SLC4A4: variants seen among roughly 807,000 people sequenced by gnomAD.
SLC4A4 encodes the protein solute carrier family 4 member 4, also known as electrogenic sodium bicarbonate cotransporter 1.
A neutral mutation model predicts 111.5 loss-of-function variants in SLC4A4; 27 were observed. The ratio of observed to expected loss-of-function variants is 0.24; its 90% CI spans 0.18 to 0.33. The LOEUF is 0.33. Ranked by LOEUF, SLC4A4 falls within the 10% of genes least tolerant of loss-of-function variation. The probability of loss-of-function intolerance (pLI) is 1.00; values close to 1 mark genes in which losing one functional copy is unlikely to be tolerated. For missense variants in SLC4A4, 909 were observed against 1,315.5 expected, an observed-to-expected ratio of 0.69 and a Z score of 4.78; for synonymous variants, 443 against 463.4, an observed-to-expected ratio of 0.96 and a Z score of 0.57.
chr4:71,263,441 G>A (rs1436607310), intron 3 of SLC4A4, among the ~76,000 whole-genome samples: 1 of 152,130 alleles, frequency 6.6e-6, no homozygotes, highest in Non-Finnish European at 1.5e-5. Context: ...AGGCAATATT[G>A]CATGCTTCTT....
intron 7 of SLC4A4, among the ~76,000 whole-genome samples, chr4:71,409,224 C>T (rs1401469295): frequency 2.0e-5 from 3 of 152,114 alleles, no homozygotes; most frequent in Non-Finnish European, 4.4e-5. Context: ...AATGTGGAAG[C>T]AACTTTGGAA....
chr4:71,448,319 CAAAA>C (rs5859260), intron 9 of SLC4A4, among the ~76,000 whole-genome samples: 2 of 89,628 alleles, frequency 2.2e-5, no homozygotes, highest in Non-Finnish European at 2.4e-5. Flanking sequence ...GATTCCATCT[CAAAA>C]AAAAAAAAAA....
chr4:71,544,779 G>T (rs1289568372), intron 18 of SLC4A4, among the ~76,000 whole-genome samples: 4 of 151,938 alleles, frequency 2.6e-5, no homozygotes, highest in Admixed American at 2.6e-4. Flanking sequence ...GTTCTCCGTA[G>T]TACTTATTAC....
At chr4:71,160,680 TA>T (rs11331906) in intron 2 of SLC4A4, among the ~76,000 whole-genome samples, 54,454 of 150,224 alleles carry the variant, frequency 0.36, 14,781 homozygotes, top group African/African-American at 0.75. Context: ...AAGGAATGAT[TA>T]AAAAAAAAGC....
chr4:71,099,722 C>G (rs891657903), intron 2 of SLC4A4, among the ~76,000 whole-genome samples: 1 of 151,914 alleles, frequency 6.6e-6, no homozygotes, highest in Non-Finnish European at 1.5e-5. Flanking sequence ...AAAAGAGAGA[C>G]GATCCAAATA....
At chr4:71,378,321 G>C (rs928883719) in intron 6 of SLC4A4, among the ~76,000 whole-genome samples, 27 of 152,152 alleles carry the variant, frequency 1.8e-4, no homozygotes, top group African/African-American at 5.1e-4. Context: ...GCTCTTCTTG[G>C]CAAGGCTGAG....
At chr4:71,456,484 A>G (rs1339424662) in intron 12 of SLC4A4, among the ~76,000 whole-genome samples, 1 of 152,178 alleles carries the variant, frequency 6.6e-6, no homozygotes, top group Non-Finnish European at 1.5e-5. Context: ...TTGAAAGGGT[A>G]TGTACTTTAC....
At chr4:71,195,230 GTTTTTTTTTTT>G (rs66527038) in intron 1 of SLC4A4, among the ~76,000 whole-genome samples, 1 of 93,174 alleles carries the variant, frequency 1.1e-5, no homozygotes, top group African/African-American at 4.0e-5. Flanking sequence ...CTGTATTTGA[GTTTTTTTTTTT>G]TTTTTTTTTT....
chr4:71,538,595 T>TAA (rs1191707756), intron 18 of SLC4A4, among the ~76,000 whole-genome samples: 3 of 152,146 alleles, frequency 2.0e-5, no homozygotes, highest in Non-Finnish European at 4.4e-5. Flanking sequence ...TAAAGGGCCT[T>TAA]AACTGCTATG....
At chr4:71,177,227 C>A (rs568938913) in intron 2 of SLC4A4, among the ~76,000 whole-genome samples, 1 of 152,048 alleles carries the variant, frequency 6.6e-6, no homozygotes, top group South Asian at 2.1e-4. Flanking sequence ...CAAAAACATG[C>A]CAAATTGTAA....
intron 3 of SLC4A4, among the ~76,000 whole-genome samples, chr4:71,315,616 C>T (rs969566251): frequency 1.3e-5 from 2 of 151,986 alleles, no homozygotes; most frequent in East Asian, 3.9e-4. Context: ...CCTGAAACAT[C>T]CCTTTTATTT....
intron 2 of SLC4A4, among the ~76,000 whole-genome samples, chr4:71,112,587 A>G (rs1038361253): frequency 3.3e-5 from 5 of 152,230 alleles, no homozygotes; most frequent in Non-Finnish European, 7.3e-5. Flanking sequence ...TTTTCTTTTC[A>G]GAATCACACC....
intron 2 of SLC4A4, among the ~76,000 whole-genome samples, chr4:71,245,754 G>A (rs780096270): frequency 5.3e-5 from 8 of 152,114 alleles, no homozygotes; most frequent in East Asian, 1.9e-4. Context: ...AGCATTTAAA[G>A]CCATAGGAAT....
At chr4:71,122,801 A>C (rs1422484367) in intron 2 of SLC4A4, among the ~76,000 whole-genome samples, 1 of 152,150 alleles carries the variant, frequency 6.6e-6, no homozygotes, top group Non-Finnish European at 1.5e-5. Context: ...CATTGATTAA[A>C]ACACTGTTCG....
intron 1 of SLC4A4, among the ~76,000 whole-genome samples, chr4:71,223,963 C>T (rs555620110): frequency 6.6e-6 from 1 of 152,116 alleles, no homozygotes; most frequent in South Asian, 2.1e-4. Context: ...TGTTCCTCTT[C>T]TGCCACTTAG....
intron 2 of SLC4A4, among the ~76,000 whole-genome samples, chr4:71,249,508 A>C (rs1294563501): frequency 1.3e-5 from 2 of 152,158 alleles, no homozygotes; most frequent in African/African-American, 4.8e-5. Context: ...TATTTATACC[A>C]GTAAATTAGC....
At chr4:71,169,062 C>T (rs568253456) in intron 2 of SLC4A4, among the ~76,000 whole-genome samples, 137 of 151,804 alleles carry the variant, frequency 9.0e-4, no homozygotes, top group African/African-American at 3.2e-3. Flanking sequence ...CTTGTTGCCC[C>T]GGCTGGAGTG....
chr4:71,128,079 G>A (rs1189192546), intron 2 of SLC4A4, among the ~76,000 whole-genome samples: 1 of 152,140 alleles, frequency 6.6e-6, no homozygotes, highest in Non-Finnish European at 1.5e-5. Flanking sequence ...GAGCAAGACT[G>A]TATTAATCTG....
chr4:71,311,888 T>TGAGAGAGAGA (rs1491510042), intron 3 of SLC4A4, among the ~76,000 whole-genome samples: 7 of 31,564 alleles, frequency 2.2e-4, no homozygotes, highest in East Asian at 1.7e-3. Flanking sequence ...TGTGCAAGGC[T>TGAGAGAGAGA]GTGAGAGAGA....
Sources: gnomAD v4.1 joint callset for allele counts (sites outside exome capture counted in the v4.1 genomes callset) on GRCh38, gnomAD v4.1.1 for gene constraint, MANE v1.5 for transcripts, NCBI Gene and HGNC (gene_info 2026-07-23, HGNC 2026-07-21) for gene names.